SLC2A14: variants seen among roughly 807,000 people sequenced by gnomAD.
SLC2A14 encodes solute carrier family 2 member 14, also known as solute carrier family 2, facilitated glucose transporter member 14.
A neutral mutation model predicts 43.0 loss-of-function variants in SLC2A14; 13 were observed. The observed-to-expected ratio is 0.30, with a 90% CI of 0.20 to 0.48. SLC2A14 has a LOEUF of 0.48. SLC2A14 is among the 20% of genes least tolerant of loss of function. The pLI is 0.99. For missense variants in SLC2A14, 428 were observed against 620.4 expected (o/e 0.69, Z 3.29); for synonymous variants, 190 against 233.8 (o/e 0.81, Z 1.71).
chr12:7,822,856 T>TAA (rs1438242438), intron 7 of SLC2A14, among the ~76,000 whole-genome samples: 1 of 152,116 alleles, frequency 6.6e-6, no homozygotes, highest in African/African-American at 2.4e-5. Flanking sequence ...AATGCTTTTT[T>TAA]AATTGACTCT....
rs145793375 is a variant in SLC2A14 at position 7,829,971 on chromosome 12, G to A, written c.308C>T (p.Ala103Val). The part of the protein sequence containing the change: ...NSMLIVNLLA[A>V]TGGCLMGLCK... Reference sequence around the variant, plus strand: ...CAGTCCCATAAGGCAGCCACCAGTGGCAGCCAACAGGTTGACAATCAGCAT... The same window carrying A: ...CAGTCCCATAAGGCAGCCACCAGTGACAGCCAACAGGTTGACAATCAGCAT... The change falls in exon 5 of 11, where the codon GCC (alanine) becomes GTC (valine). Residue 103 changes from alanine to valine, a missense_variant. Around this residue, in one of 4 missense-constraint regions of SLC2A14, gnomAD observed 122 missense variants for 128.8 expected, o/e 0.95. Transcript: ENST00000431042. The A allele has an allele frequency of 1.5e-4, 240 of 1,614,192 alleles. No individual in the cohort carries two copies. In the African/African-American group the frequency reaches 1.9e-3, roughly 13 times the overall value.
intron 2 of SLC2A14, among the ~76,000 whole-genome samples, chr12:7,868,217 T>C (rs1159685853): frequency 6.6e-6 from 1 of 152,178 alleles, no homozygotes; most frequent in Non-Finnish European, 1.5e-5. Context: ...AAAAAGATTA[T>C]GACATGCTGA....
chr12:7,822,610 A>G (rs1362819408), intron 7 of SLC2A14, among the ~76,000 whole-genome samples: 1 of 150,584 alleles, frequency 6.6e-6, no homozygotes, highest in Non-Finnish European at 1.5e-5. Context: ...CAGAGCTTGC[A>G]GTGAGCCGAG....
At chr12:7,854,275 A>G (rs2120948010) in intron 2 of SLC2A14, among the ~76,000 whole-genome samples, 1 of 152,214 alleles carries the variant, frequency 6.6e-6, no homozygotes, top group South Asian at 2.1e-4. Context: ...TGCAAAAGCT[A>G]GGAGTTATTC....
chr12:7,869,337 A>G (rs1028963336), intron 2 of SLC2A14, among the ~76,000 whole-genome samples: 2 of 152,158 alleles, frequency 1.3e-5, no homozygotes, highest in Admixed American at 1.3e-4. Flanking sequence ...CTTAACCACC[A>G]GATGCTGCCT....
intron 2 of SLC2A14, among the ~76,000 whole-genome samples, chr12:7,847,951 G>T (rs1866596603): frequency 6.6e-6 from 1 of 152,014 alleles, no homozygotes; most frequent in Non-Finnish European, 1.5e-5. Context: ...ACAGTTAGAG[G>T]AACACAGCAG....
chr12:7,859,563 TG>T (rs1480913207), intron 2 of SLC2A14, among the ~76,000 whole-genome samples: 1 of 152,040 alleles, frequency 6.6e-6, no homozygotes, highest in African/African-American at 2.4e-5. Flanking sequence ...TGATTGGAAA[TG>T]AGTGGACAAG....
chr12:7,854,586 C>T (rs1276715286), intron 2 of SLC2A14, among the ~76,000 whole-genome samples: 3 of 152,058 alleles, frequency 2.0e-5, no homozygotes, highest in East Asian at 1.9e-4. Context: ...AGTGCGATCT[C>T]GGCTCATGGC....
At chr12:7,867,800 G>A (rs146328854) in intron 2 of SLC2A14, among the ~76,000 whole-genome samples, 109 of 147,844 alleles carry the variant, frequency 7.4e-4, no homozygotes, top group African/African-American at 2.4e-3. Flanking sequence ...AGCCGAGATC[G>A]TTCCACTGCA....
In SLC2A14 at chr12:7,887,598, TAGATA is replaced by T. The variant is rs1055865237; in HGVS notation, c.132+3393_132+3397del. 3.7e-5 allele frequency among the ~76,000 whole-genome samples: 5 copies of T among 133,472 alleles called. 1 individual carries two copies. Among genetic ancestry groups the T allele is most frequent in the Admixed American group, 2.3e-4 (3 of 13,156 alleles). 87.6% of individuals were successfully genotyped at this position (133,472 alleles called of 152,430 possible). On this transcript the variant is annotated intron_variant, in intron 1 of 9. Transcript: ENST00000539924. The stretch of plus-strand genomic sequence containing the variant: ...ATAGATAGATAGATAGATAGATAGA[TAGATA>T]GATAGATAGTTAGATAGATAGATAG...
At chr12:7,829,166 C>T (rs7137578) in intron 5 of SLC2A14, among the ~76,000 whole-genome samples, 15,504 of 151,988 alleles carry the variant, frequency 0.1, 2,063 homozygotes, top group African/African-American at 0.29. Context: ...GAGCCGAGAT[C>T]GCGCCACTGC....
chr12:7,831,335 T>TAGGGAATAATTCTGAACTATCCCTAACTG (rs1865007758), intron 4 of SLC2A14: 1 of 371,514 alleles, frequency 2.7e-6, no homozygotes, highest in Non-Finnish European at 4.9e-6. Context: ...TTGAGCTTAC[T>TAGGGAATAATTCTGAACTATCCCTAACTG]AGGGAATAAT....
At chr12:7,850,830 T>C (rs1287440227) in intron 2 of SLC2A14, 3 of 152,230 alleles carry the variant, frequency 2.0e-5, no homozygotes, top group African/African-American at 4.8e-5. Context: ...TGAAGGAAAA[T>C]CTTAGGGCTT....
chr12:7,854,897 G>A (rs1867231062), intron 2 of SLC2A14, among the ~76,000 whole-genome samples: 1 of 151,660 alleles, frequency 6.6e-6, no homozygotes, highest in African/African-American at 2.4e-5. Flanking sequence ...TGCAACCTCC[G>A]CCTCCCGTGT....
At position 7,824,672 on chromosome 12, in the gene SLC2A14, G is replaced by A. The variant is rs138000654; in HGVS notation, c.864+2823C>T. On this transcript the variant is annotated intron_variant, in intron 7 of 10. Coordinates refer to ENST00000431042, the MANE Select transcript of SLC2A14 (RefSeq NM_001286234.2). ...CACTTGAACCCAGGAGGTGGAAGTT[G>A]CAGTGAGCCGAGATTGTGCCACTAC... is the stretch of plus-strand genomic sequence containing the variant. Among the ~76,000 whole-genome samples, 637 of 147,728 alleles carry A rather than the reference G, an allele frequency of 4.3e-3. 22 individuals carry two copies. The East Asian group carries it at 0.061, about 14-fold the overall frequency.
chr12:7,843,387 A>G (rs2120876964), intron 2 of SLC2A14, among the ~76,000 whole-genome samples: 1 of 142,174 alleles, frequency 7.0e-6, no homozygotes, highest in South Asian at 2.4e-4. Context: ...ATGCGGCTGT[A>G]AAGGCTACTG....
chr12:7,879,338 A>AT (rs1565587854), intron 1 of SLC2A14, among the ~76,000 whole-genome samples: 96 of 150,770 alleles, frequency 6.4e-4, no homozygotes, highest in Non-Finnish European at 1.1e-3. Context: ...AACAAAAAAA[A>AT]ACAAAAGTTG....
At chr12:7,822,318 CTA>C (rs1565499742) in intron 7 of SLC2A14, among the ~76,000 whole-genome samples, 1 of 151,898 alleles carries the variant, frequency 6.6e-6, no homozygotes, top group Non-Finnish European at 1.5e-5. Flanking sequence ...TTGCTTCTAA[CTA>C]TGCTTATTCC....
intron 1 of SLC2A14, among the ~76,000 whole-genome samples, chr12:7,882,461 C>A (rs1188247930): frequency 6.6e-6 from 1 of 152,096 alleles, no homozygotes; most frequent in Non-Finnish European, 1.5e-5. Context: ...AAGAATCCCC[C>A]AATTCCTGAC....
Sources: gnomAD v4.1 joint callset for allele counts (sites outside exome capture counted in the v4.1 genomes callset) on GRCh38, gnomAD v4.1.1 for gene constraint, gnomAD v4.1.1 regional missense constraint, MANE v1.5 for transcripts, NCBI Gene and HGNC (gene_info 2026-07-23, HGNC 2026-07-21) for gene names.